The following LTBP1 variants were observed in gnomAD, a reference collection of about 807,000 sequenced individuals.
The protein encoded by LTBP1 is latent-transforming growth factor beta-binding protein 1.
Under a neutral mutation model 207.6 loss-of-function variants are expected in LTBP1, and 129 were observed. The observed-to-expected ratio is 0.62, with a 90% CI of 0.54 to 0.72. LTBP1 has a LOEUF of 0.72. Among genes scored for constraint, LTBP1 ranks in the 30% least tolerant of loss-of-function variants. The probability of loss-of-function intolerance (pLI) is 0.00; values close to 1 mark genes in which losing one functional copy is unlikely to be tolerated. For missense variants in LTBP1, 2,281 were observed against 2,217.2 expected (o/e 1.03, Z -0.58); for synonymous variants, 963 against 833.7 (o/e 1.16, Z -2.67).
chr2:33,237,591 G>A (rs1359124187), intron 9 of LTBP1, among the ~76,000 whole-genome samples: 1 of 152,168 alleles, frequency 6.6e-6, no homozygotes, highest in Non-Finnish European at 1.5e-5. Context: ...CTTTGGAGCT[G>A]CAGAATTGGT....
intron 3 of LTBP1, among the ~76,000 whole-genome samples, chr2:33,108,490 A>G (rs902049642): frequency 6.6e-6 from 1 of 151,962 alleles, no homozygotes; most frequent in Non-Finnish European, 1.5e-5. Flanking sequence ...ACATTCAGGG[A>G]AAAAGGGCCC....
At chr2:33,139,610 T>C (rs570611461) in intron 5 of LTBP1, among the ~76,000 whole-genome samples, 2 of 152,224 alleles carry the variant, frequency 1.3e-5, no homozygotes, top group East Asian at 1.9e-4. Flanking sequence ...TGTTGTATCA[T>C]GGTGAGGGGC....
At chr2:33,098,116 T>G (rs989666338) in intron 3 of LTBP1, among the ~76,000 whole-genome samples, 3 of 152,232 alleles carry the variant, frequency 2.0e-5, no homozygotes, top group Non-Finnish European at 2.9e-5. Flanking sequence ...ACAATAGTTC[T>G]TTTAAGAAAA....
intron 9 of LTBP1, among the ~76,000 whole-genome samples, chr2:33,241,499 GA>G (rs1482808738): frequency 6.6e-6 from 1 of 152,182 alleles, no homozygotes; most frequent in Non-Finnish European, 1.5e-5. Context: ...AGTCTGGGGG[GA>G]AACCTCTACA....
chr2:33,172,281 T>C (rs563540583), intron 5 of LTBP1, among the ~76,000 whole-genome samples: 3 of 152,160 alleles, frequency 2.0e-5, no homozygotes, highest in South Asian at 4.2e-4. Flanking sequence ...GAGACACACA[T>C]AGACTCAAAA....
chr2:33,348,957 A>T (rs1348133069), intron 26 of LTBP1, among the ~76,000 whole-genome samples: 1 of 152,130 alleles, frequency 6.6e-6, no homozygotes, highest in African/African-American at 2.4e-5. Flanking sequence ...GAGTCTTAAG[A>T]CTGTCTTATG....
chr2:33,223,718 G>A (rs954776688), intron 9 of LTBP1, among the ~76,000 whole-genome samples: 1 of 152,136 alleles, frequency 6.6e-6, no homozygotes, highest in African/African-American at 2.4e-5. Context: ...TAACAACCTT[G>A]TACACTGTGC....
intron 3 of LTBP1, among the ~76,000 whole-genome samples, chr2:33,052,388 T>G (rs189166022): frequency 4.6e-5 from 7 of 152,374 alleles, no homozygotes; most frequent in Admixed American, 3.3e-4. Flanking sequence ...AATTAGATTA[T>G]TTAAACATAT....
intron 3 of LTBP1, among the ~76,000 whole-genome samples, chr2:33,046,474 G>T (rs1201986707): frequency 6.6e-6 from 1 of 152,136 alleles, no homozygotes; most frequent in African/African-American, 2.4e-5. Context: ...CGACTTGATC[G>T]TGGTGGATAA....
intron 3 of LTBP1, among the ~76,000 whole-genome samples, chr2:33,082,741 A>G (rs886405375): frequency 6.6e-6 from 1 of 152,054 alleles, no homozygotes; most frequent in African/African-American, 2.4e-5. Context: ...CTTTTTGATC[A>G]TAACTCCGTT....
intron 11 of LTBP1, among the ~76,000 whole-genome samples, chr2:33,253,162 G>T (rs2092730444): frequency 6.6e-6 from 1 of 152,116 alleles, no homozygotes; most frequent in Admixed American, 6.6e-5. Context: ...GCTCTGCTGG[G>T]CCATGCGCTT....
At chr2:33,386,019 T>G (rs1245729424) in intron 31 of LTBP1, among the ~76,000 whole-genome samples, 1 of 152,110 alleles carries the variant, frequency 6.6e-6, no homozygotes, top group Non-Finnish European at 1.5e-5. Context: ...ATGTGGAATA[T>G]CCCAGAAGTA....
At chr2:33,320,389 ACT>A (rs774781541) in intron 24 of LTBP1, among the ~76,000 whole-genome samples, 5 of 146,990 alleles carry the variant, frequency 3.4e-5, no homozygotes, top group East Asian at 2.0e-4. Flanking sequence ...AGCGTGATAA[ACT>A]CTGTGAAAAA....
At chr2:33,084,374 G>T (rs1277780234) in intron 3 of LTBP1, among the ~76,000 whole-genome samples, 3 of 152,198 alleles carry the variant, frequency 2.0e-5, no homozygotes, top group Non-Finnish European at 4.4e-5. Context: ...GAAGCAGACA[G>T]GGTTCTGGGG....
intron 3 of LTBP1, among the ~76,000 whole-genome samples, chr2:33,084,161 A>T (rs900822097): frequency 3.3e-5 from 5 of 152,046 alleles, no homozygotes; most frequent in African/African-American, 4.8e-5. Flanking sequence ...TTTGTGGGAT[A>T]AAAAAAACAC....
chr2:33,087,084 C>CCTTTT (rs1323005803), intron 3 of LTBP1, among the ~76,000 whole-genome samples: 6 of 89,026 alleles, frequency 6.7e-5, no homozygotes, highest in Non-Finnish European at 1.2e-4. Context: ...CTCCTTTATG[C>CCTTTT]TTTTTTTTTT....
chr2:33,397,210 A>G lies in LTBP1; in HGVS notation c.4912A>G (p.Arg1638Gly). The change falls in exon 33 of 34, where the codon AGG (arginine) becomes GGG (glycine). Residue 1638 changes from arginine (R) to glycine (G), a missense_variant. Coordinates refer to ENST00000404816, the MANE Select transcript of LTBP1 (RefSeq NM_206943.4). ...LNGCENGRCV[R>G]VQEGYTCDCF... is the part of the protein sequence containing the mutation. The stretch of plus-strand genomic sequence containing the variant: ...TGGATGTGAAAATGGTCGCTGTGTG[A>G]GGGTCCAGGAAGGTTACACCTGCGA... The G allele has an allele frequency of 6.2e-7, 1 of 1,614,178 alleles. No individual in the cohort carries two copies. The highest frequency in any genetic ancestry group is 2.2e-5 in the East Asian group (1 of 44,884).
intron 4 of LTBP1, among the ~76,000 whole-genome samples, chr2:33,133,174 G>A (rs1047350161): frequency 6.6e-6 from 1 of 152,116 alleles, no homozygotes; most frequent in African/African-American, 2.4e-5. Context: ...GGCTTCTTTG[G>A]TTAAAGTTCT....
At position 33,364,844 on chromosome 2, in the gene LTBP1, C is replaced by T. The variant is rs540847301; in HGVS notation, c.4540+488C>T. On this transcript the variant is annotated intron_variant, in intron 30 of 33. Coordinates refer to ENST00000404816, the MANE Select transcript of LTBP1 (RefSeq NM_206943.4). ...CTGATAATTGGCATAATCTGTCATT[C>T]GCCTCAGGAGACTGCTTTGGATGAA... Among the ~76,000 whole-genome samples, 72 of 152,276 alleles carry T rather than the reference C, an allele frequency of 4.7e-4. No individual in the cohort carries two copies. In the South Asian group the frequency reaches 0.013, roughly 29 times the overall value.
Sources: gnomAD v4.1 joint callset for allele counts (sites outside exome capture counted in the v4.1 genomes callset) on GRCh38, gnomAD v4.1.1 for gene constraint, MANE v1.5 for transcripts, NCBI Gene and HGNC (gene_info 2026-07-23, HGNC 2026-07-21) for gene names.